PITPNM2: variants seen among roughly 807,000 people sequenced by gnomAD.
PITPNM2 encodes membrane-associated phosphatidylinositol transfer protein 2.
A neutral mutation model predicts 132.2 loss-of-function variants in PITPNM2; 35 were observed. The observed-to-expected ratio is 0.26, with a 90% CI of 0.20 to 0.35. The LOEUF is 0.35. Among genes scored for constraint, PITPNM2 ranks in the 10% least tolerant of loss-of-function variants. The pLI, the probability that PITPNM2 is intolerant of heterozygous loss-of-function variation, is 1.00. For synonymous variants in PITPNM2, 738 were observed against 799.2 expected (o/e 0.92, Z 1.29); for missense variants, 1,332 against 1,912.0 (o/e 0.70, Z 5.66).
At chr12:123,134,580 G>A (rs922970023) in intron 1 of PITPNM2, among the ~76,000 whole-genome samples, 4 of 152,020 alleles carry the variant, frequency 2.6e-5, no homozygotes, top group Non-Finnish European at 5.9e-5. Flanking sequence ...CTCAAGCCTT[G>A]AAAACATGAA....
chr12:122,990,290 C>T (rs1230089789), intron 17 of PITPNM2, among the ~76,000 whole-genome samples: 1 of 152,244 alleles, frequency 6.6e-6, no homozygotes, highest in Non-Finnish European at 1.5e-5. Flanking sequence ...GCGCCTTCTT[C>T]CAGAATCCTC....
chr12:123,067,650 AGAGG>A (rs950945822), intron 2 of PITPNM2, among the ~76,000 whole-genome samples: 16 of 152,212 alleles, frequency 1.1e-4, no homozygotes, highest in African/African-American at 3.9e-4. Context: ...TGGAGCTTTC[AGAGG>A]GAGTGTGGTC....
intron 2 of PITPNM2, among the ~76,000 whole-genome samples, chr12:123,070,349 T>C (rs1200647596): frequency 2.0e-5 from 3 of 152,040 alleles, no homozygotes; most frequent in African/African-American, 7.2e-5. Context: ...CCAGCTATAG[T>C]GAAGGGGTTT....
chr12:123,107,653 C>T (rs1244386373), intron 2 of PITPNM2, among the ~76,000 whole-genome samples: 2 of 152,208 alleles, frequency 1.3e-5, no homozygotes, highest in East Asian at 3.9e-4. Flanking sequence ...CTCTCGCTAC[C>T]AGGGCCCGGT....
intron 1 of PITPNM2, among the ~76,000 whole-genome samples, chr12:123,130,867 C>T (rs1266298468): frequency 6.6e-6 from 1 of 152,148 alleles, no homozygotes; most frequent in Non-Finnish European, 1.5e-5. Context: ...ACCTGAAAAA[C>T]TGGCTGAGTC....
rs1438961082 is a variant in PITPNM2, at chr12:123,071,643, G to C, written c.-95-36958C>G. ...TGATCCTAGGACAGCCTCTGGTACA[G>C]AGCAATCTGACACTGGAGGAGAGCC... On this transcript the variant is annotated intron_variant, in intron 2 of 25. Coordinates refer to ENST00000320201, the MANE Select transcript of PITPNM2 (RefSeq NM_020845.3). Among the ~76,000 whole-genome samples, 7 of 152,252 alleles carry C rather than the reference G, an allele frequency of 4.6e-5. No homozygotes were observed. The East Asian group carries it at 1.2e-3, about 25-fold the overall frequency.
rs1229297555 is a variant in PITPNM2, at chr12:123,100,210, C to G, written c.-96+10175G>C. The stretch of plus-strand genomic sequence containing the variant: ...ATAAAACAATGTGCAACGTAAAATG[C>G]TGCAGCCTCTCTGGAAAACAGTCTG... On this transcript the variant is annotated intron_variant, in intron 2 of 25. Transcript: ENST00000320201. 7.9e-5 allele frequency among the ~76,000 whole-genome samples: 12 copies of G among 152,234 alleles called. No individual in the cohort carries two copies. The South Asian group carries it at 1.4e-3, about 18-fold the overall frequency.
intron 2 of PITPNM2, among the ~76,000 whole-genome samples, chr12:123,067,977 G>T (rs1189359270): frequency 2.0e-5 from 3 of 152,160 alleles, no homozygotes; most frequent in Non-Finnish European, 2.9e-5. Flanking sequence ...ATTAGCTCAG[G>T]GCATGCGAGG....
At chr12:123,013,757 A>T (rs1434288049) in intron 4 of PITPNM2, 71 bp downstream of exon 4, 2 of 1,503,272 alleles carry the variant, frequency 1.3e-6, no homozygotes, top group Non-Finnish European at 1.8e-6. Context: ...CCCTGGATCT[A>T]TGCCACAAGA....
At chr12:122,988,642 C>T in intron 19 of PITPNM2, 82 bp downstream of exon 19, 1 of 1,406,312 alleles carries the variant, frequency 7.1e-7, no homozygotes, top group Non-Finnish European at 9.6e-7. Flanking sequence ...GGAGTCCCCA[C>T]TGTCCCCTCG....
intron 3 of PITPNM2, among the ~76,000 whole-genome samples, chr12:123,028,887 G>A (rs1346206483): frequency 6.6e-6 from 1 of 152,168 alleles, no homozygotes; most frequent in Non-Finnish European, 1.5e-5. Flanking sequence ...TGCAGGAGGG[G>A]CAAGAGCTCT....
intron 5 of PITPNM2, among the ~76,000 whole-genome samples, chr12:123,011,443 G>A (rs557608352): frequency 4.7e-4 from 71 of 152,332 alleles, no homozygotes; most frequent in African/African-American, 1.6e-3. Flanking sequence ...GGCCTCAGAG[G>A]GAGCCTGCAG....
At chr12:123,033,538 G>A (rs2040164524) in intron 3 of PITPNM2, among the ~76,000 whole-genome samples, 1 of 152,210 alleles carries the variant, frequency 6.6e-6, no homozygotes, top group East Asian at 1.9e-4. Context: ...ACTCCTGTGT[G>A]CGTCTGTAAG....
chr12:123,125,410 A>T (rs1190481694), intron 1 of PITPNM2, among the ~76,000 whole-genome samples: 1 of 152,252 alleles, frequency 6.6e-6, no homozygotes, highest in East Asian at 1.9e-4. Context: ...GTCATATCAA[A>T]GGATGATGCA....
intron 2 of PITPNM2, among the ~76,000 whole-genome samples, chr12:123,080,012 G>T (rs2041910633): frequency 1.3e-5 from 2 of 152,100 alleles, no homozygotes; most frequent in Non-Finnish European, 2.9e-5. Flanking sequence ...TCATATAAAT[G>T]GACTCATAAA....
Position 122,983,730 on chromosome 12 carries a change from TAGAAATCAA to T in PITPNM2, c.*2288_*2296del, listed in dbSNP as rs1388965594. On this transcript the variant is annotated 3_prime_UTR_variant, in exon 26 of 26. Coordinates refer to ENST00000320201, the MANE Select transcript of PITPNM2 (RefSeq NM_020845.3). ...GGGGGGTCTCTGCTGAATCCCTCTTTAGAAATCAAAGAGAAGGCAGGTGGTGGGGCGTGG... is the reference window on the plus strand; with the variant it reads ...GGGGGGTCTCTGCTGAATCCCTCTTTAGAGAAGGCAGGTGGTGGGGCGTGG... The T allele has an allele frequency of 1.3e-5, 2 of 150,360 alleles. No homozygotes were observed. Among genetic ancestry groups the T allele is most frequent in the Admixed American group, 6.6e-5 (1 of 15,076 alleles). 9.3% of individuals were successfully genotyped at this position (150,360 alleles called of 1,614,324 possible).
chr12:123,110,526 C>T (rs1399247765), intron 1 of PITPNM2, 38 bp from the exon 2 acceptor site: 1 of 152,378 alleles, frequency 6.6e-6, no homozygotes, highest in Non-Finnish European at 1.5e-5. Context: ...AGGTGAGACA[C>T]CTGGACTCTG....
At chr12:123,146,269 G>A (rs966743051) in intron 1 of PITPNM2, among the ~76,000 whole-genome samples, 7 of 152,046 alleles carry the variant, frequency 4.6e-5, no homozygotes, top group African/African-American at 1.4e-4. Flanking sequence ...CAAGTCTACC[G>A]ACACAACAAA....
In PITPNM2 at chr12:123,012,607, G is replaced by T; in HGVS notation, c.415+6C>A. The T allele has an allele frequency of 6.2e-7, 1 of 1,613,974 alleles. No homozygotes were observed. Among genetic ancestry groups the T allele is most frequent in the Non-Finnish European group, 8.5e-7 (1 of 1,179,862 alleles). On this transcript the variant is annotated splice_donor_region_variant and intron_variant, in intron 5 of 25. Transcript: ENST00000320201. ...AGCCCTGTGGGGCTCTGCCCTTCCT[G>T]GTTACCGATTGTCAGCTGGTTCTTT...
Sources: gnomAD v4.1 joint callset for allele counts (sites outside exome capture counted in the v4.1 genomes callset) on GRCh38, gnomAD v4.1.1 for gene constraint, MANE v1.5 for transcripts, NCBI Gene and HGNC (gene_info 2026-07-23, HGNC 2026-07-21) for gene names.